The following JAZF1 variants were observed in gnomAD, a reference collection of about 807,000 sequenced individuals.
The protein encoded by JAZF1 is juxtaposed with another zinc finger protein 1.
JAZF1 carries 8 observed loss-of-function variants against 26.4 expected under a neutral mutation model. The ratio of observed to expected loss-of-function variants is 0.30; its 90% confidence interval spans 0.18 to 0.55. The LOEUF (loss-of-function observed/expected upper bound fraction) is 0.55, where lower values mean the gene tolerates loss of function less well. Ranked by LOEUF, JAZF1 falls within the 20% of genes least tolerant of loss-of-function variation. The pLI, the probability that JAZF1 is intolerant of heterozygous loss-of-function variation, is 0.94. For missense variants in JAZF1, 199 were observed against 322.0 expected, an observed-to-expected ratio of 0.62 and a Z score of 2.92; for synonymous variants, 126 against 122.3, an observed-to-expected ratio of 1.03 and a Z score of -0.20.
At chr7:27,882,607 G>A (rs747962679) in intron 3 of JAZF1, among the ~76,000 whole-genome samples, 1 of 152,216 alleles carries the variant, frequency 6.6e-6, no homozygotes, top group Non-Finnish European at 1.5e-5. Flanking sequence ...CAGGAGCAGT[G>A]AGATTCTGTC....
At chr7:28,073,579 G>C (rs1281507723) in intron 1 of JAZF1, among the ~76,000 whole-genome samples, 2 of 152,152 alleles carry the variant, frequency 1.3e-5, no homozygotes, top group Admixed American at 6.5e-5. Context: ...AATTTCACAA[G>C]GTACACTTAG....
At chr7:28,062,784 C>T (rs1783821083) in intron 1 of JAZF1, among the ~76,000 whole-genome samples, 1 of 152,178 alleles carries the variant, frequency 6.6e-6, no homozygotes, top group Non-Finnish European at 1.5e-5. Flanking sequence ...AGTTACTCTC[C>T]TATCTTAGTT....
At chr7:27,932,079 G>A (rs769563353) in intron 2 of JAZF1, among the ~76,000 whole-genome samples, 16 of 152,096 alleles carry the variant, frequency 1.1e-4, no homozygotes, top group Non-Finnish European at 2.2e-4. Context: ...TTAAAAACAA[G>A]GTTTGGGGGA....
chr7:28,085,433 T>G (rs1028993788), intron 1 of JAZF1, among the ~76,000 whole-genome samples: 9 of 152,206 alleles, frequency 5.9e-5, no homozygotes, highest in African/African-American at 2.2e-4. Flanking sequence ...CTCTTTAAAG[T>G]ACATAAAACT....
At position 28,067,625 on chromosome 7, in the gene JAZF1, A is replaced by G. The variant is rs528223308; in HGVS notation, c.116-75644T>C. On this transcript the variant is annotated intron_variant, in intron 1 of 4. Transcript: ENST00000283928. ...GCAAACTTTCTCTTGTTTTCTGCCC[A>G]GTCTAATAAAATGAAAAAATGACGA... 8.6e-4 allele frequency among the ~76,000 whole-genome samples: 131 copies of G among 152,332 alleles called. No homozygotes were observed. In the Middle Eastern group the frequency reaches 0.014, roughly 16 times the overall value.
At chr7:28,124,152 G>C (rs937448281) in intron 1 of JAZF1, among the ~76,000 whole-genome samples, 2 of 152,008 alleles carry the variant, frequency 1.3e-5, no homozygotes, top group African/African-American at 2.4e-5. Flanking sequence ...CATTAAGGTG[G>C]GCCCTAATCC....
intron 2 of JAZF1, among the ~76,000 whole-genome samples, chr7:27,984,711 T>A (rs38510): frequency 0.81 from 122,662 of 152,196 alleles, 50,049 homozygotes; most frequent in African/African-American, 0.92. Flanking sequence ...AAGTAAAGCA[T>A]TCCTCAGCAA....
intron 1 of JAZF1, among the ~76,000 whole-genome samples, chr7:28,057,676 G>A (rs1325636695): frequency 1.3e-5 from 2 of 152,114 alleles, no homozygotes; most frequent in Non-Finnish European, 1.5e-5. Context: ...GGTCTTTGTA[G>A]CTTTTGAGTC....
intron 1 of JAZF1, among the ~76,000 whole-genome samples, chr7:28,068,730 G>GA (rs11380584): frequency 0.056 from 8,503 of 151,684 alleles, 412 homozygotes; most frequent in African/African-American, 0.13. Flanking sequence ...GAGGACAAAG[G>GA]AAAAAAAAGA....
intron 2 of JAZF1, among the ~76,000 whole-genome samples, chr7:27,968,045 T>C (rs1785309513): frequency 6.6e-6 from 1 of 152,192 alleles, no homozygotes; most frequent in African/African-American, 2.4e-5. Context: ...CTCTTTATAG[T>C]AGTCAAAGAC....
chr7:28,052,419 AATCTACTAT>A (rs1323116366), intron 1 of JAZF1, among the ~76,000 whole-genome samples: 1 of 152,162 alleles, frequency 6.6e-6, no homozygotes, highest in Non-Finnish European at 1.5e-5. Flanking sequence ...CAGGTGTAAA[AATCTACTAT>A]AAAAACTTTT....
chr7:28,071,167 G>C (rs1169047053), intron 1 of JAZF1, among the ~76,000 whole-genome samples: 3 of 152,198 alleles, frequency 2.0e-5, no homozygotes, highest in African/African-American at 7.2e-5. Context: ...GCAATGCGGT[G>C]TGATACAAAG....
chr7:28,057,907 C>T (rs1783737982), intron 1 of JAZF1, among the ~76,000 whole-genome samples: 5 of 152,136 alleles, frequency 3.3e-5, no homozygotes, highest in Admixed American at 3.3e-4. Context: ...TTTTGGCTTT[C>T]TTGATCCTGT....
chr7:28,056,822 A>G (rs1036172121), intron 1 of JAZF1, among the ~76,000 whole-genome samples: 22 of 152,290 alleles, frequency 1.4e-4, no homozygotes, highest in Admixed American at 7.9e-4. Flanking sequence ...TCCATGACTT[A>G]AGAACTAAGT....
intron 3 of JAZF1, among the ~76,000 whole-genome samples, chr7:27,853,131 G>C (rs1375233221): frequency 2.0e-5 from 3 of 152,082 alleles, no homozygotes; most frequent in Non-Finnish European, 4.4e-5. Flanking sequence ...CTGGTTTTTG[G>C]TGTCAGTTTT....
chr7:27,845,227 ATC>A (rs1782996319), intron 3 of JAZF1, among the ~76,000 whole-genome samples: 1 of 152,234 alleles, frequency 6.6e-6, no homozygotes, highest in African/African-American at 2.4e-5. Flanking sequence ...CACAGAAAGA[ATC>A]TACCCCTTTG....
rs574623439 is a variant in JAZF1, at chr7:27,899,321, C to T, written c.189-3905G>A. Reference sequence around the variant, plus strand: ...AAATATCAGGTCTGGAAAGATTAACCGTGTTGCCAAGGCTGAGTTCAGGTT... The same window carrying T: ...AAATATCAGGTCTGGAAAGATTAACTGTGTTGCCAAGGCTGAGTTCAGGTT... On this transcript the variant is annotated intron_variant, in intron 2 of 4. Transcript: ENST00000283928. Among the ~76,000 whole-genome samples the T allele has an allele frequency of 3.3e-5, 5 of 152,322 alleles. No homozygotes were observed. In the East Asian group the frequency reaches 5.8e-4, roughly 18 times the overall value.
At chr7:27,971,885 T>C (rs73683917) in intron 2 of JAZF1, among the ~76,000 whole-genome samples, 3,956 of 152,102 alleles carry the variant, frequency 0.026, 170 homozygotes, top group African/African-American at 0.091. Context: ...AGATAGGAAA[T>C]AGAAAGATTG....
At chr7:27,893,411 A>G (rs542168254) in intron 3 of JAZF1, among the ~76,000 whole-genome samples, 2 of 152,176 alleles carry the variant, frequency 1.3e-5, no homozygotes, top group Non-Finnish European at 2.9e-5. Flanking sequence ...AAAATTTTGA[A>G]TAAGACCCCC....
Sources: allele counts gnomAD v4.1 joint callset (sites outside exome capture counted in the v4.1 genomes callset), GRCh38; gene constraint gnomAD v4.1.1; transcripts MANE v1.5; gene names NCBI Gene and HGNC (gene_info 2026-07-23, HGNC 2026-07-21).